Variants in LAMA5 observed in about 807,000 individuals in gnomAD.
LAMA5 encodes the protein laminin subunit alpha-5.
A neutral mutation model predicts 433.4 loss-of-function variants in LAMA5; 260 were observed. That is an observed-to-expected ratio of 0.60 (90% CI 0.54 to 0.66). LAMA5 has a LOEUF of 0.66. Among genes scored for constraint, LAMA5 ranks in the 30% least tolerant of loss-of-function variants. The pLI is 0.00. For synonymous variants in LAMA5, 2,620 were observed against 2,226.6 expected (o/e 1.18, Z -4.97); for missense variants, 5,378 against 5,258.5 (o/e 1.02, Z -0.70).
At chr20:62,320,989 C>T (rs1244941013) in intron 48 of LAMA5, 99 bp from the exon 49 acceptor site, 3 of 1,351,384 alleles carry the variant, frequency 2.2e-6, no homozygotes, top group Non-Finnish European at 3.0e-6. Context: ...GAGGGCTCAG[C>T]CAGAGGTCAT....
intron 16 of LAMA5, chr20:62,337,112 C>A (rs1031461809): frequency 8.3e-5 from 49 of 588,626 alleles, no homozygotes; most frequent in African/African-American, 7.5e-4. Flanking sequence ...TACACGTGCA[C>A]TAACACACCC....
chr20:62,320,595 T>C lies in LAMA5; in HGVS notation c.6723A>G (p.Thr2241=). ...GCCGCCGTGCGTCCTGCCCGAGGCT[T>C]GTGCTCTGCTGCTCCAGCACCTCCA... ...QQLEVLEQQS[T]SLGQDARRLG... is the part of the protein sequence containing the mutation. Residue 2241 remains threonine (T), a synonymous_variant, in exon 50 of 80, where the codon ACA becomes ACG. Coordinates refer to ENST00000252999, the MANE Select transcript of LAMA5 (RefSeq NM_005560.6). 6.2e-7 allele frequency: 1 copy of C among 1,605,810 alleles called. No homozygotes were observed. Among genetic ancestry groups the C allele is most frequent in the Non-Finnish European group, 8.5e-7 (1 of 1,178,880 alleles).
At chr20:62,329,944 GCCC>G (rs1172026979) in intron 31 of LAMA5, 28 bp from the exon 32 acceptor site, 5 of 1,605,046 alleles carry the variant, frequency 3.1e-6, no homozygotes, top group Non-Finnish European at 3.4e-6. Flanking sequence ...GCAGGGTCAG[GCCC>G]CCATCTCTAG....
chr20:62,363,607 G>C (rs914022615), intron 1 of LAMA5, among the ~76,000 whole-genome samples: 1 of 152,142 alleles, frequency 6.6e-6, no homozygotes, highest in African/African-American at 2.4e-5. Flanking sequence ...CAGGAAACCA[G>C]ATCTGCTGTT....
Position 62,312,605 on chromosome 20 carries a change from G to A in LAMA5, c.9227+27C>T, listed in dbSNP as rs116349377. 2,233 of 1,601,018 alleles carry A rather than the reference G, an allele frequency of 1.4e-3. 30 individuals carry two copies. The African/African-American group carries it at 0.026, about 18-fold the overall frequency. On this transcript the variant is annotated intron_variant, in intron 67 of 79. Coordinates refer to ENST00000252999, the MANE Select transcript of LAMA5 (RefSeq NM_005560.6). ...CCTACCGCCCCAACAGCCTGGCCTC[G>A]GAGCCCCAGCTGCGCACAGTGCTTA... is the stretch of plus-strand genomic sequence containing the variant.
Position 62,318,916 on chromosome 20 carries a change from G to C in LAMA5, c.6969C>G (p.Leu2323=). Residue 2323 remains leucine, a synonymous_variant, in exon 52 of 80, where the codon CTC becomes CTG. Coordinates refer to ENST00000252999, the MANE Select transcript of LAMA5 (RefSeq NM_005560.6). ...CCAGGTCCCGGGCCCGCATCTCCCA[G>C]AGCAGCCGCTCCACCTCGGCCAGTG... ...LRTLAEVERL[L]WEMRARDLGA... is the part of the protein sequence containing the mutation. 6.2e-7 allele frequency: 1 copy of C among 1,603,302 alleles called. No homozygotes were observed. The highest frequency in any genetic ancestry group is 1.1e-5 in the South Asian group (1 of 90,206).
chr20:62,353,101 C>T, intron 3 of LAMA5, 33 bp downstream of exon 3: 1 of 1,493,444 alleles, frequency 6.7e-7, no homozygotes, highest in Non-Finnish European at 9.1e-7. Context: ...CCCCCTGCCT[C>T]TCCCCCCAGG....
chr20:62,352,674 TG>T (rs1984541837), intron 3 of LAMA5, among the ~76,000 whole-genome samples: 1 of 152,106 alleles, frequency 6.6e-6, no homozygotes, highest in Non-Finnish European at 1.5e-5. Flanking sequence ...CAGGGAATTT[TG>T]GGGGACACGT....
chr20:62,359,283 G>T lies in LAMA5; in HGVS notation c.450+3117C>A, dbSNP rs1353894850. Among the ~76,000 whole-genome samples, 2 of 152,144 alleles carry T rather than the reference G, an allele frequency of 1.3e-5. No homozygotes were observed. Among genetic ancestry groups the T allele is most frequent in the African/African-American group, 4.8e-5 (2 of 41,426 alleles). On this transcript the variant is annotated intron_variant, in intron 2 of 79. Coordinates refer to ENST00000252999, the MANE Select transcript of LAMA5 (RefSeq NM_005560.6). This position sits in a 1 kb window ranked among gnomAD's most constrained non-coding sequence, Gnocchi z 4.3. ...GCCACCCAGGGGCCGACTGGAGAGG[G>T]AGGGGACACAGGCCAGAGCCAGCCC... is the stretch of plus-strand genomic sequence containing the variant.
intron 3 of LAMA5, among the ~76,000 whole-genome samples, chr20:62,352,690 A>C (rs1026835285): frequency 1.3e-5 from 2 of 152,166 alleles, no homozygotes; most frequent in African/African-American, 4.8e-5. Context: ...ACACGTGACC[A>C]GGCCTGCCCT....
chr20:62,364,492 GTCCCCATTCGGCCAC>G (rs910876258), intron 1 of LAMA5, among the ~76,000 whole-genome samples: 17 of 152,224 alleles, frequency 1.1e-4, no homozygotes, highest in African/African-American at 3.1e-4. Flanking sequence ...GGCAGTTCCA[GTCCCCATTCGGCCAC>G]TCACTGAGCC....
rs927750759 is a variant in LAMA5, at chr20:62,367,022, C to T, written c.224G>A (p.Arg75His). 2.4e-6 allele frequency: 3 copies of T among 1,274,966 alleles called. No individual in the cohort carries two copies. The highest frequency in any genetic ancestry group is 3.0e-5 in the East Asian group (1 of 33,334). The allele number at this position is 1,274,966 out of a possible 1,614,324, so 79.0% of individuals were successfully genotyped here. Residue 75 changes from arginine to histidine, a missense_variant, in exon 1 of 80, where the codon CGC (arginine) becomes CAC (histidine). Transcript: ENST00000252999. The part of the protein sequence containing the change: ...GEEAPARGSP[R>H]PTEDLYCKLV... ...CTTGCAGTAAAGGTCCTCGGTGGGG[C>T]GCGGGGAGCCGCGCGCCGGGGCCTC... is the stretch of plus-strand genomic sequence containing the variant.
chr20:62,326,522 TG>T, intron 40 of LAMA5, 154 bp downstream of exon 40: 1 of 608,480 alleles, frequency 1.6e-6, no homozygotes, highest in Admixed American at 2.9e-5. Context: ...TATCTGACAA[TG>T]GGTGTGGGGA....
chr20:62,345,590 A>G, intron 11 of LAMA5: 2 of 665,610 alleles, frequency 3.0e-6, no homozygotes, highest in Non-Finnish European at 5.5e-6. Context: ...TATTTGCTGT[A>G]GAGACAGGGT....
intron 2 of LAMA5, among the ~76,000 whole-genome samples, chr20:62,360,025 G>A (rs1310583229): frequency 2.0e-5 from 3 of 147,302 alleles, no homozygotes; most frequent in African/African-American, 5.0e-5. Context: ...GGACCCACCC[G>A]CCGCTCAGCC....
intron 58 of LAMA5, 37 bp from the exon 59 acceptor site, chr20:62,315,244 C>T (rs975213433): frequency 1.0e-5 from 16 of 1,546,002 alleles, no homozygotes; most frequent in African/African-American, 8.2e-5. Flanking sequence ...CAGGGGCCAG[C>T]GGGGACCATC....
intron 48 of LAMA5, 36 bp downstream of exon 48, chr20:62,321,983 C>T (rs1235392853): frequency 3.1e-5 from 49 of 1,586,192 alleles, no homozygotes; most frequent in Non-Finnish European, 3.9e-5. Flanking sequence ...ATTCCTACTC[C>T]ATCAGGTGTG....
rs566493861 is a variant in LAMA5 at position 62,354,213 on chromosome 20, T to A, written c.451-962A>T. Among the ~76,000 whole-genome samples the A allele has an allele frequency of 4.9e-4, 75 of 152,156 alleles. No homozygotes were observed. In the South Asian group the frequency reaches 0.015, roughly 31 times the overall value. ...TACACCTCCTCAGAGAAGCCTTCCC[T>A]GACTGCAGCCCCTCCCCCTAACCCT... On this transcript the variant is annotated intron_variant, in intron 2 of 79. Coordinates refer to ENST00000252999, the MANE Select transcript of LAMA5 (RefSeq NM_005560.6).
intron 2 of LAMA5, among the ~76,000 whole-genome samples, chr20:62,354,655 G>A (rs888303674): frequency 7.9e-5 from 12 of 152,106 alleles, no homozygotes; most frequent in African/African-American, 2.9e-4. Flanking sequence ...ACAGGAGGGG[G>A]CGGTGCCCAA....
Sources: allele counts gnomAD v4.1 joint callset (sites outside exome capture counted in the v4.1 genomes callset), GRCh38; gene constraint gnomAD v4.1.1; non-coding constraint Gnocchi (gnomAD v3.1); transcripts MANE v1.5; gene names NCBI Gene and HGNC (gene_info 2026-07-23, HGNC 2026-07-21).